The following VWA3B variants were observed in gnomAD, a reference collection of about 807,000 sequenced individuals.
VWA3B encodes the protein von Willebrand factor A domain containing 3B.
In VWA3B, 138 loss-of-function variants were observed where a neutral mutation model predicts 158.3. The ratio of observed to expected loss-of-function variants is 0.87; its 90% CI spans 0.76 to 1.00. The LOEUF is 1.00. VWA3B is among the 50% of genes least tolerant of loss of function. The pLI is 0.00. For missense variants in VWA3B, 1,555 were observed against 1,565.1 expected (o/e 0.99, Z 0.11); for synonymous variants, 596 against 587.3 (o/e 1.01, Z -0.21).
At chr2:98,106,703 A>G (rs373879068) in intron 2 of VWA3B, among the ~76,000 whole-genome samples, 9 of 152,326 alleles carry the variant, frequency 5.9e-5, no homozygotes, top group African/African-American at 1.9e-4. Context: ...TTCCTAGTAT[A>G]TAGAAATATG....
Position 98,311,772 on chromosome 2 carries a change from C to G in VWA3B, c.3522-47C>G, listed in dbSNP as rs767918324. ...GGATGGCTTGGACATCTCTGTAGAC[C>G]CCGCAGCCATCAAGGCAGGGTAACC... On this transcript the variant is annotated intron_variant, in intron 26 of 27. Coordinates refer to ENST00000477737, the MANE Select transcript of VWA3B (RefSeq NM_144992.5). 3 of 1,502,180 alleles carry G rather than the reference C, an allele frequency of 2.0e-6. No individual in the cohort carries two copies. The South Asian group carries it at 4.1e-5, about 21-fold the overall frequency. 93.1% of individuals were successfully genotyped at this position (1,502,180 alleles called of 1,614,324 possible).
intron 21 of VWA3B, among the ~76,000 whole-genome samples, chr2:98,258,388 GA>G (rs60605811): frequency 0.043 from 6,512 of 150,078 alleles, 445 homozygotes; most frequent in African/African-American, 0.15. Flanking sequence ...TTCTATTTCT[GA>G]AAAAAAAATT....
chr2:98,175,384 A>G (rs1679927058), intron 8 of VWA3B, among the ~76,000 whole-genome samples: 1 of 152,240 alleles, frequency 6.6e-6, no homozygotes, highest in Non-Finnish European at 1.5e-5. Context: ...TAAGAAGCAA[A>G]TAGAAATTCT....
chr2:98,206,144 C>G (rs976958321), intron 12 of VWA3B: 3 of 152,406 alleles, frequency 2.0e-5, no homozygotes, highest in African/African-American at 7.2e-5. Context: ...TCCACCCAAA[C>G]TCTACCATGT....
downstream of VWA3B, among the ~76,000 whole-genome samples, chr2:98,313,570 A>C (rs1022595759): frequency 3.3e-5 from 5 of 152,234 alleles, no homozygotes; most frequent in Admixed American, 2.6e-4. Flanking sequence ...CCACCCAGTC[A>C]TAGGCATTGG....
At position 98,163,366 on chromosome 2, in the gene VWA3B, C is replaced by T. The variant is rs370037366; in HGVS notation, c.1114+390C>T. ...CATCCTGGCCAACATGGTGAAACCCCGTCTCTACTGAAAATACAAAAATTA... is the reference window on the plus strand; with the variant it reads ...CATCCTGGCCAACATGGTGAAACCCTGTCTCTACTGAAAATACAAAAATTA... On this transcript the variant is annotated intron_variant, in intron 8 of 27. Transcript: ENST00000477737. Among the ~76,000 whole-genome samples, 26 of 152,146 alleles carry T rather than the reference C, an allele frequency of 1.7e-4. No homozygotes were observed. The South Asian group carries it at 1.9e-3, about 11-fold the overall frequency.
At chr2:98,152,069 T>C (rs921964710) in intron 7 of VWA3B, among the ~76,000 whole-genome samples, 1 of 152,204 alleles carries the variant, frequency 6.6e-6, no homozygotes, top group African/African-American at 2.4e-5. Flanking sequence ...TTTGTTCTTA[T>C]GGGAAATGAG....
chr2:98,312,533 C>T lies in VWA3B; in HGVS notation c.*184C>T. ...CCTGCTGCCTCCCCTACCCGTTTGACGACTTGGTTCTGGCTTTTTCTGACT... is the reference window on the plus strand; with the variant it reads ...CCTGCTGCCTCCCCTACCCGTTTGATGACTTGGTTCTGGCTTTTTCTGACT... On this transcript the variant is annotated 3_prime_UTR_variant, in exon 28 of 28. Coordinates refer to ENST00000477737, the MANE Select transcript of VWA3B (RefSeq NM_144992.5). 1 of 685,022 alleles carries T rather than the reference C, an allele frequency of 1.5e-6. No individual in the cohort carries two copies. The highest frequency in any genetic ancestry group is 2.3e-6 in the Non-Finnish European group (1 of 436,562). 42.4% of individuals were successfully genotyped at this position (685,022 alleles called of 1,614,324 possible).
chr2:98,214,479 A>G (rs1015653873), intron 13 of VWA3B, among the ~76,000 whole-genome samples: 1 of 152,218 alleles, frequency 6.6e-6, no homozygotes, highest in African/African-American at 2.4e-5. Context: ...ATAGGTAGAG[A>G]AAATTCTCCC....
chr2:98,199,894 C>T (rs1322792567), intron 12 of VWA3B, among the ~76,000 whole-genome samples: 1 of 152,168 alleles, frequency 6.6e-6, no homozygotes, highest in Admixed American at 6.5e-5. Context: ...GGCCAGTATG[C>T]TAAGTGTATG....
intron 19 of VWA3B, chr2:98,242,395 C>G: frequency 2.2e-6 from 1 of 447,388 alleles, no homozygotes; most frequent in Admixed American, 2.4e-5. Flanking sequence ...ATTAACTCTT[C>G]CCCAAGTCAT....
Position 98,181,133 on chromosome 2 carries a change from C to A in VWA3B, c.1232C>A (p.Ala411Asp). The A allele has an allele frequency of 6.2e-7, 1 of 1,614,194 alleles. No homozygotes were observed. The highest frequency in any genetic ancestry group is 1.3e-5 in the African/African-American group (1 of 75,044). Reference protein sequence around the residue: ...AQKLSLYDVLADCSFRHADGV... With the variant: ...AQKLSLYDVLDDCSFRHADGV... ...AAGCTATCCTTGTATGATGTGCTTG[C>A]CGACTGCTCTTTCCGCCACGCTGAT... Residue 411 changes from alanine to aspartate, a missense_variant, in exon 9 of 28, where the codon GCC (alanine) becomes GAC (aspartate). Coordinates refer to ENST00000477737, the MANE Select transcript of VWA3B (RefSeq NM_144992.5).
Position 98,102,170 on chromosome 2 carries a change from C to T in VWA3B, c.196+8882C>T, listed in dbSNP as rs550268741. 8.5e-5 allele frequency among the ~76,000 whole-genome samples: 13 copies of T among 152,314 alleles called. No individual in the cohort carries two copies. The East Asian group carries it at 2.1e-3, about 25-fold the overall frequency. On this transcript the variant is annotated intron_variant, in intron 2 of 27. Coordinates refer to ENST00000477737, the MANE Select transcript of VWA3B (RefSeq NM_144992.5). ...CCCTGAGTTGACACAGCACATGTTT[C>T]AGAGAGCACGGGGTTGGGGGTAAGG...
chr2:98,192,763 A>G, intron 10 of VWA3B, 135 bp from the exon 11 acceptor site: 2 of 1,235,720 alleles, frequency 1.6e-6, no homozygotes, highest in East Asian at 4.7e-5. Flanking sequence ...AAAGCGAATG[A>G]TCTACTCACA....
chr2:98,327,279 C>G, the VWA3B span, among the ~76,000 whole-genome samples: 1 of 151,818 alleles, frequency 6.6e-6, no homozygotes, highest in Non-Finnish European at 1.5e-5. Flanking sequence ...GGCAACAGAG[C>G]AAGACCCTGT....
In VWA3B at chr2:98,193,036, G is replaced by C; in HGVS notation, c.1605G>C (p.Gln535His). ...LVKDKIIQFI[Q>H]EQLKYKSKFN... ...AGGACAAGATCATTCAGTTCATACAGGTTAGATGGAACTGTCGGTTCATGC... is the reference window on the plus strand; with the variant it reads ...AGGACAAGATCATTCAGTTCATACACGTTAGATGGAACTGTCGGTTCATGC... The change falls in exon 11 of 28, where the codon CAG becomes CAC. Residue 535 changes from glutamine to histidine, a missense_variant and splice_region_variant. Gln to His is a conservative substitution (Grantham distance 24). Transcript: ENST00000477737. The C allele has an allele frequency of 6.2e-7, 1 of 1,609,696 alleles. No homozygotes were observed. The highest frequency in any genetic ancestry group is 8.5e-7 in the Non-Finnish European group (1 of 1,177,392).
At position 98,181,022 on chromosome 2, in the gene VWA3B, AAAC is replaced by A; in HGVS notation, c.1125_1127del (p.Thr376del). 2 of 1,614,166 alleles carry A rather than the reference AAAC, an allele frequency of 1.2e-6. No homozygotes were observed. The highest frequency in any genetic ancestry group is 1.7e-6 in the Non-Finnish European group (2 of 1,179,966). On this transcript the variant is annotated inframe_deletion, in exon 9 of 28. Transcript: ENST00000477737. ...ACAAGCTGTGATTCTACAGAGTCAG[AAAC>A]AACCTCTGTTGAGATTGCATCGAAT...
At chr2:98,313,805 G>A (rs1277612885), downstream of VWA3B, among the ~76,000 whole-genome samples, 1 of 152,138 alleles carries the variant, frequency 6.6e-6, no homozygotes, top group East Asian at 1.9e-4. Context: ...AATGACTACA[G>A]GGCAAATATA....
intron 13 of VWA3B, among the ~76,000 whole-genome samples, chr2:98,215,527 C>G (rs1553417161): frequency 6.6e-6 from 1 of 150,782 alleles, no homozygotes. Context: ...CTCTTTTTTT[C>G]TTTTCTTTGA....
Sources: allele counts gnomAD v4.1 joint callset (sites outside exome capture counted in the v4.1 genomes callset), GRCh38; gene constraint gnomAD v4.1.1; transcripts MANE v1.5; gene names NCBI Gene and HGNC (gene_info 2026-07-23, HGNC 2026-07-21).